Variants in ADARB2 observed in about 807,000 individuals in gnomAD.
ADARB2 encodes inactive double-stranded RNA-specific editase B2.
Under a neutral mutation model 62.2 loss-of-function variants are expected in ADARB2, and 25 were observed. That is an observed-to-expected ratio of 0.40 (90% CI 0.29 to 0.56). The LOEUF is 0.56. ADARB2 is among the 20% of genes least tolerant of loss of function. ADARB2 has a pLI of 0.43. For synonymous variants in ADARB2, 572 were observed against 500.8 expected, an observed-to-expected ratio of 1.14 and a Z score of -1.90; for missense variants, 1,071 against 1,077.4, an observed-to-expected ratio of 0.99 and a Z score of 0.08.
At chr10:1,463,981 G>A (rs936634197) in intron 1 of ADARB2, among the ~76,000 whole-genome samples, 2 of 152,234 alleles carry the variant, frequency 1.3e-5, no homozygotes, top group Admixed American at 1.3e-4. Context: ...CCCATAAGAC[G>A]CCTGGACACA....
chr10:1,402,033 G>A (rs939454973), intron 1 of ADARB2, among the ~76,000 whole-genome samples: 7 of 152,188 alleles, frequency 4.6e-5, no homozygotes, highest in Non-Finnish European at 1.0e-4. Flanking sequence ...CTTGGAACTC[G>A]ATTTTCATGA....
chr10:1,649,215 A>T (rs538950518), intron 1 of ADARB2, among the ~76,000 whole-genome samples: 3 of 152,172 alleles, frequency 2.0e-5, no homozygotes, highest in Non-Finnish European at 4.4e-5. Context: ...AAAAAGAAGG[A>T]TGATTTATTT....
intron 1 of ADARB2, among the ~76,000 whole-genome samples, chr10:1,730,450 A>T (rs1413705777): frequency 6.6e-6 from 1 of 152,176 alleles, no homozygotes; most frequent in African/African-American, 2.4e-5. Context: ...GAACTGAATT[A>T]GCTGTTTAGT....
intron 7 of ADARB2, among the ~76,000 whole-genome samples, chr10:1,211,017 G>T (rs905452158): frequency 2.6e-5 from 4 of 152,098 alleles, no homozygotes; most frequent in Non-Finnish European, 5.9e-5. Flanking sequence ...GCCCACCAAG[G>T]TGTTGCCAAT....
At chr10:1,375,864 G>A in intron 2 of ADARB2, among the ~76,000 whole-genome samples, 1 of 142,060 alleles carries the variant, frequency 7.0e-6, no homozygotes, top group Admixed American at 7.1e-5. Context: ...ACATGCACAT[G>A]ACACACATGC....
intron 1 of ADARB2, among the ~76,000 whole-genome samples, chr10:1,589,704 C>T (rs551489366): frequency 2.0e-5 from 3 of 152,272 alleles, no homozygotes; most frequent in East Asian, 1.9e-4. Context: ...GATGGAGTCT[C>T]GCTCTGTCGC....
At chr10:1,400,666 A>G (rs112815016) in intron 1 of ADARB2, among the ~76,000 whole-genome samples, 36 of 152,304 alleles carry the variant, frequency 2.4e-4, no homozygotes, top group African/African-American at 7.7e-4. Context: ...GGGTGGGGAC[A>G]ACGCAGTGCT....
At chr10:1,706,151 G>A (rs960200538) in intron 1 of ADARB2, among the ~76,000 whole-genome samples, 1 of 152,166 alleles carries the variant, frequency 6.6e-6, no homozygotes, top group Admixed American at 6.5e-5. Context: ...TCAGCTGTGT[G>A]CTCAAATTCA....
intron 1 of ADARB2, among the ~76,000 whole-genome samples, chr10:1,535,870 TG>T (rs1832325242): frequency 6.6e-6 from 1 of 152,128 alleles, no homozygotes; most frequent in African/African-American, 2.4e-5. Flanking sequence ...TGCTGAGGCG[TG>T]GGGGCCAGGG....
At chr10:1,633,563 T>A (rs1002707391) in intron 1 of ADARB2, among the ~76,000 whole-genome samples, 25 of 144,874 alleles carry the variant, frequency 1.7e-4, no homozygotes, top group African/African-American at 6.6e-4. Flanking sequence ...TATCTATCTA[T>A]CTATCTATCT....
At chr10:1,730,789 GTTAAC>G (rs1395246674) in intron 1 of ADARB2, among the ~76,000 whole-genome samples, 1 of 151,952 alleles carries the variant, frequency 6.6e-6, no homozygotes, top group Non-Finnish European at 1.5e-5. Flanking sequence ...AAAACTGAAC[GTTAAC>G]TATTGATCAT....
intron 1 of ADARB2, among the ~76,000 whole-genome samples, chr10:1,733,579 T>C (rs1268408345): frequency 2.6e-5 from 4 of 152,236 alleles, no homozygotes; most frequent in Non-Finnish European, 5.9e-5. Flanking sequence ...TATTTTTATA[T>C]ACTCTACTGT....
intron 6 of ADARB2, among the ~76,000 whole-genome samples, chr10:1,224,856 T>G (rs1830730585): frequency 1.3e-5 from 2 of 152,122 alleles, no homozygotes; most frequent in African/African-American, 4.8e-5. Flanking sequence ...AGTTTTGGAG[T>G]AGGTGTGGTG....
intron 1 of ADARB2, among the ~76,000 whole-genome samples, chr10:1,571,847 G>GACAGGTGAGTAT (rs1832940449): frequency 1.4e-5 from 2 of 147,948 alleles, no homozygotes; most frequent in Admixed American, 6.7e-5. Flanking sequence ...CTGGTGAGTG[G>GACAGGTGAGTAT]GCAGGTGAGT....
At chr10:1,672,574 C>A (rs1440382785) in intron 1 of ADARB2, among the ~76,000 whole-genome samples, 1 of 152,026 alleles carries the variant, frequency 6.6e-6, no homozygotes, top group Admixed American at 6.6e-5. Context: ...CCCCCATGCA[C>A]GCGCTTCGCC....
At chr10:1,570,948 G>A (rs1832926119) in intron 1 of ADARB2, among the ~76,000 whole-genome samples, 1 of 152,130 alleles carries the variant, frequency 6.6e-6, no homozygotes, top group South Asian at 2.1e-4. Flanking sequence ...TGGCCAATGG[G>A]GAACTCAGGG....
chr10:1,696,249 A>G (rs1463693709), intron 1 of ADARB2, among the ~76,000 whole-genome samples: 1 of 151,564 alleles, frequency 6.6e-6, no homozygotes, highest in Non-Finnish European at 1.5e-5. Flanking sequence ...GTGTGTGCAC[A>G]TGTGCATTGT....
chr10:1,445,107 A>G (rs1830952416), intron 1 of ADARB2, among the ~76,000 whole-genome samples: 1 of 149,254 alleles, frequency 6.7e-6, no homozygotes, highest in Non-Finnish European at 1.5e-5. Context: ...CCATCTATCC[A>G]TCCATCCATC....
intron 1 of ADARB2, among the ~76,000 whole-genome samples, chr10:1,732,029 A>T (rs577834247): frequency 2.0e-5 from 3 of 152,312 alleles, no homozygotes; most frequent in African/African-American, 7.2e-5. Flanking sequence ...AATGATGAGA[A>T]ACAGAGTATT....
Sources: gnomAD v4.1 joint callset for allele counts (sites outside exome capture counted in the v4.1 genomes callset) on GRCh38, gnomAD v4.1.1 for gene constraint, MANE v1.5 for transcripts, NCBI Gene and HGNC (gene_info 2026-07-23, HGNC 2026-07-21) for gene names.